GDE1: variants seen among roughly 807,000 people sequenced by gnomAD.
The protein encoded by GDE1 is RGS16-interacting membrane protein.
Under a neutral mutation model 32.2 loss-of-function variants are expected in GDE1, and 24 were observed. That is an observed-to-expected ratio of 0.75 (90% CI 0.54 to 1.05). The LOEUF (loss-of-function observed/expected upper bound fraction) is 1.05. Among genes scored for constraint, GDE1 ranks in the 50% least tolerant of loss-of-function variants. The pLI is 0.00. For missense variants in GDE1, 380 were observed against 415.0 expected, an observed-to-expected ratio of 0.92 and a Z score of 0.73; for synonymous variants, 159 against 158.6, an observed-to-expected ratio of 1.00 and a Z score of -0.02.
At position 19,515,066 on chromosome 16, in the gene GDE1, CAAA is replaced by C. The variant is rs67148636; in HGVS notation, c.437+1945_437+1947del. Among the ~76,000 whole-genome samples the C allele has an allele frequency of 9.5e-3, 1,072 of 113,206 alleles. 8 individuals are homozygous for C. Among genetic ancestry groups the C allele is most frequent in the Non-Finnish European group, 0.012 (706 of 58,162 alleles). 74.3% of individuals were successfully genotyped at this position (113,206 alleles called of 152,430 possible). On this transcript the variant is annotated intron_variant, in intron 2 of 5. Transcript: ENST00000353258. ...GGGCAACAAGAGTGAAACTCCAACT[CAAA>C]AAAAAAAAAAAAAAAGATAAGGATA...
At chr16:19,519,449 C>CATAT (rs111659244) in intron 1 of GDE1, among the ~76,000 whole-genome samples, 7,244 of 146,770 alleles carry the variant, frequency 0.049, 495 homozygotes, top group African/African-American at 0.16. Flanking sequence ...TGTGTATGTG[C>CATAT]ATATATATAT....
At position 19,515,144 on chromosome 16, in the gene GDE1, C is replaced by A. The variant is rs182661697; in HGVS notation, c.437+1870G>T. Among the ~76,000 whole-genome samples, 17 of 151,810 alleles carry A rather than the reference C, an allele frequency of 1.1e-4. No homozygotes were observed. In the East Asian group the frequency reaches 2.7e-3, roughly 24 times the overall value. On this transcript the variant is annotated intron_variant, in intron 2 of 5. Coordinates refer to ENST00000353258, the MANE Select transcript of GDE1 (RefSeq NM_016641.4). Reference sequence around the variant, plus strand: ...CCAGCCATTCTAATCAATTTCTATTCCCTGAGAGTGAAAGATGGGAGACCT... The same window carrying A: ...CCAGCCATTCTAATCAATTTCTATTACCTGAGAGTGAAAGATGGGAGACCT...
chr16:19,506,873 C>T (rs1969254054), intron 4 of GDE1, among the ~76,000 whole-genome samples: 1 of 152,050 alleles, frequency 6.6e-6, no homozygotes, highest in Non-Finnish European at 1.5e-5. Context: ...GTGGCTCATG[C>T]CTGTAATCCC....
chr16:19,504,904 G>A lies in GDE1; in HGVS notation c.825C>T (p.Leu275=). The A allele has an allele frequency of 6.2e-7, 1 of 1,611,764 alleles. No individual in the cohort carries two copies. Among genetic ancestry groups the A allele is most frequent in the Non-Finnish European group, 8.5e-7 (1 of 1,178,238 alleles). The change falls in exon 5 of 6, where the codon CTC becomes CTT. Residue 275 remains leucine (L), a synonymous_variant. Transcript: ENST00000353258. ...LWYLCGISAF[L]MQKDFVSPAY... is the part of the protein sequence containing the mutation. ...ACGGGGATACAAAATCCTTTTGCATGAGGAAAGCTGAAATTCCACACAGGT... is the reference window on the plus strand; with the variant it reads ...ACGGGGATACAAAATCCTTTTGCATAAGGAAAGCTGAAATTCCACACAGGT...
intron 5 of GDE1, 30 bp from the exon 6 acceptor site, chr16:19,503,647 G>GAAT: frequency 6.3e-7 from 1 of 1,597,950 alleles, no homozygotes; most frequent in Non-Finnish European, 8.6e-7. Flanking sequence ...AATCCTGTTA[G>GAAT]AATAATAAGC....
chr16:19,510,968 T>G (rs1313236470), intron 2 of GDE1, 24 bp from the exon 3 acceptor site: 1 of 1,212,506 alleles, frequency 8.2e-7, no homozygotes, highest in Non-Finnish European at 1.2e-6. Context: ...GAAAATACGT[T>G]GTAGGAAAAA....
At chr16:19,508,035 T>G (rs929374543) in intron 3 of GDE1, among the ~76,000 whole-genome samples, 3 of 152,190 alleles carry the variant, frequency 2.0e-5, no homozygotes, top group Non-Finnish European at 4.4e-5. Context: ...GGAATACTTT[T>G]GAAAAGTGTG....
rs60312376 is a variant in GDE1 at position 19,508,361 on chromosome 16, TGAA to T, written c.544-585_544-583del. On this transcript the variant is annotated intron_variant, in intron 3 of 5. Transcript: ENST00000353258. ...TTTTTATAGTAGTCTAGCTACGAAA[TGAA>T]GAAGACATGATAGAATTTAAGTATT... Among the ~76,000 whole-genome samples the T allele has an allele frequency of 5.4e-3, 829 of 152,314 alleles. 8 individuals carry two copies. Among genetic ancestry groups the T allele is most frequent in the African/African-American group, 0.018 (758 of 41,568 alleles).
chr16:19,503,711 A>T, intron 5 of GDE1, 94 bp from the exon 6 acceptor site: 1 of 1,039,004 alleles, frequency 9.6e-7, no homozygotes, highest in East Asian at 2.4e-5. Flanking sequence ...CTGCATACCA[A>T]TGGTGCCCAG....
intron 2 of GDE1, among the ~76,000 whole-genome samples, chr16:19,511,562 A>G (rs1423408305): frequency 1.3e-5 from 2 of 152,172 alleles, no homozygotes; most frequent in Non-Finnish European, 2.9e-5. Flanking sequence ...TCTTTGTGTT[A>G]GGAACATCTA....
chr16:19,516,604 T>C (rs1280890686), intron 2 of GDE1, among the ~76,000 whole-genome samples: 1 of 152,166 alleles, frequency 6.6e-6, no homozygotes, highest in East Asian at 1.9e-4. Context: ...TTCCTACAAT[T>C]CTGTGATTCC....
intron 3 of GDE1, 139 bp downstream of exon 3, chr16:19,510,700 A>G (rs1567337088): frequency 2.2e-6 from 1 of 455,042 alleles, no homozygotes; most frequent in Non-Finnish European, 3.9e-6. Flanking sequence ...CCTGCATTGT[A>G]CACTTCCATT....
chr16:19,518,021 G>A (rs570216623), intron 1 of GDE1, among the ~76,000 whole-genome samples: 22 of 151,688 alleles, frequency 1.5e-4, no homozygotes, highest in Non-Finnish European at 2.4e-4. Context: ...CCAAGTAGCC[G>A]GGACTACTGG....
At chr16:19,507,582 C>A in intron 4 of GDE1, 105 bp downstream of exon 4, 1 of 708,156 alleles carries the variant, frequency 1.4e-6, no homozygotes, top group Non-Finnish European at 2.6e-6. Context: ...AACTGTGACC[C>A]TGATGCAGTT....
chr16:19,517,324 A>T (rs1469644928), intron 1 of GDE1, 135 bp from the exon 2 acceptor site: 9 of 665,426 alleles, frequency 1.4e-5, no homozygotes, highest in Middle Eastern at 2.6e-4. Context: ...CCCCCACCAA[A>T]CAGCAATCCT....
Position 19,522,084 on chromosome 16 carries a change from C to T in GDE1, c.-120G>A, listed in dbSNP as rs975624167. The T allele has an allele frequency of 4.8e-6, 5 of 1,034,964 alleles. No individual in the cohort carries two copies. The African/African-American group carries it at 8.0e-5, about 17-fold the overall frequency. The allele number at this position is 1,034,964 out of a possible 1,614,324, so 64.1% of individuals were successfully genotyped here. ...CAGCAGCAGGAACCCTCTGAGGGGACCAGCGCCGCACAATGGCGGCAGCAG... is the reference window on the plus strand; with the variant it reads ...CAGCAGCAGGAACCCTCTGAGGGGATCAGCGCCGCACAATGGCGGCAGCAG... On this transcript the variant is annotated 5_prime_UTR_variant, in exon 1 of 6. Transcript: ENST00000353258.
intron 3 of GDE1, among the ~76,000 whole-genome samples, chr16:19,509,691 G>A (rs1266082435): frequency 1.4e-5 from 2 of 143,730 alleles, no homozygotes; most frequent in African/African-American, 5.2e-5. Flanking sequence ...ACGGAGTCTC[G>A]CTCTGTCACC....
chr16:19,503,614 G>C lies in GDE1; in HGVS notation c.852C>G (p.Ala284=), dbSNP rs1306511256. 1 of 1,612,802 alleles carries C rather than the reference G, an allele frequency of 6.2e-7. No homozygotes were observed. Among genetic ancestry groups the C allele is most frequent in the Non-Finnish European group, 8.5e-7 (1 of 1,179,306 alleles). Residue 284 remains alanine (A), a synonymous_variant, in exon 6 of 6, where the codon GCC becomes GCG. Coordinates refer to ENST00000353258, the MANE Select transcript of GDE1 (RefSeq NM_016641.4). ...CTTTAGCTGACCACTTCTTCAAGTA[G>C]GCCCTGGGGAAAGAGGAAAGCCAAT... ...FLMQKDFVSP[A]YLKKWSAKGI...
At chr16:19,508,844 C>A (rs73544121) in intron 3 of GDE1, among the ~76,000 whole-genome samples, 3,536 of 152,268 alleles carry the variant, frequency 0.023, 156 homozygotes, top group African/African-American at 0.08. Context: ...CCACTGTGCT[C>A]TACTAGCTCC....
Sources: allele counts gnomAD v4.1 joint callset (sites outside exome capture counted in the v4.1 genomes callset), GRCh38; gene constraint gnomAD v4.1.1; transcripts MANE v1.5; gene names NCBI Gene and HGNC (gene_info 2026-07-23, HGNC 2026-07-21).